GRID2: variants seen among roughly 807,000 people sequenced by gnomAD.
GRID2 encodes the protein glutamate receptor ionotropic, delta-2.
Under a neutral mutation model 114.8 loss-of-function variants are expected in GRID2, and 33 were observed. That is an observed-to-expected ratio of 0.29 (90% CI 0.22 to 0.38). The LOEUF is 0.38. GRID2 is among the 10% of genes least tolerant of loss of function. GRID2 has a pLI of 1.00. For synonymous variants in GRID2, 505 were observed against 449.9 expected (o/e 1.12, Z -1.55); for missense variants, 1,184 against 1,257.7 (o/e 0.94, Z 0.89).
At chr4:92,632,576 G>A (rs1730859570) in intron 2 of GRID2, among the ~76,000 whole-genome samples, 2 of 152,016 alleles carry the variant, frequency 1.3e-5, no homozygotes, top group African/African-American at 4.8e-5. Context: ...AGTTTGTAGT[G>A]AGCCGAGATC....
intron 2 of GRID2, among the ~76,000 whole-genome samples, chr4:92,960,746 T>G (rs1002305438): frequency 2.0e-5 from 3 of 151,984 alleles, no homozygotes; most frequent in South Asian, 4.1e-4. Context: ...AGTATTGATA[T>G]AGTTGGGTTA....
chr4:93,608,286 A>T (rs71616385), intron 13 of GRID2, among the ~76,000 whole-genome samples: 20,907 of 83,368 alleles, frequency 0.25, 2,057 homozygotes, highest in Middle Eastern at 0.42. Flanking sequence ...ACTGAAAATT[A>T]TTTTTTTTTC....
intron 10 of GRID2, among the ~76,000 whole-genome samples, chr4:93,449,489 TCAGATGTGTTTTAGATGATTAAAATAG>T (rs1722475496): frequency 6.6e-6 from 1 of 152,102 alleles, no homozygotes; most frequent in South Asian, 2.1e-4. Flanking sequence ...GGATTATTAA[TCAGATGTGTTTTAGATGATTAAAATAG>T]CAGTTCATGT....
At chr4:92,509,800 A>G (rs1354812893) in intron 1 of GRID2, among the ~76,000 whole-genome samples, 1 of 151,942 alleles carries the variant, frequency 6.6e-6, no homozygotes, top group Admixed American at 6.6e-5. Context: ...AGATAGCAGC[A>G]TGCTCGGTAT....
intron 1 of GRID2, among the ~76,000 whole-genome samples, chr4:92,387,933 A>T (rs1417621113): frequency 6.6e-6 from 1 of 152,062 alleles, no homozygotes; most frequent in Non-Finnish European, 1.5e-5. Context: ...ATTCCCTTCC[A>T]AGTCTAGCTG....
intron 2 of GRID2, among the ~76,000 whole-genome samples, chr4:92,935,104 C>G (rs1373004392): frequency 1.4e-5 from 2 of 146,364 alleles, no homozygotes; most frequent in African/African-American, 4.9e-5. Flanking sequence ...AACAGGCAAC[C>G]TACAAAATGG....
rs1273129979 is a variant in GRID2 at position 93,496,115 on chromosome 4, G to A, written c.1997+5338G>A. ...TTCCATTTGAATGCATTTTTTTCCT[G>A]ATTGTAAAAAAAAAAAAAAACAGGC... On this transcript the variant is annotated intron_variant, in intron 12 of 15. Coordinates refer to ENST00000282020, the MANE Select transcript of GRID2 (RefSeq NM_001510.4). Among the ~76,000 whole-genome samples, 4 of 105,120 alleles carry A rather than the reference G, an allele frequency of 3.8e-5. No homozygotes were observed. In the East Asian group the frequency reaches 1.1e-3, roughly 29 times the overall value. The allele number at this position is 105,120 out of a possible 152,430, so 69.0% of individuals were successfully genotyped here.
rs147798564 is a variant in GRID2, at chr4:92,640,354, T to C, written c.244+50068T>C. Among the ~76,000 whole-genome samples, 187 of 151,888 alleles carry C rather than the reference T, an allele frequency of 1.2e-3. 1 individual carries two copies. Among genetic ancestry groups the C allele is most frequent in the Non-Finnish European group, 2.1e-3 (142 of 67,898 alleles). ...CAAACATAAAGCTACTAAGATTATT[T>C]TTGATTGAATCATTTTTAGATGTAT... On this transcript the variant is annotated intron_variant, in intron 2 of 15. Transcript: ENST00000282020.
intron 13 of GRID2, among the ~76,000 whole-genome samples, chr4:93,583,391 C>T (rs1027540126): frequency 7.2e-5 from 11 of 152,042 alleles, no homozygotes; most frequent in Admixed American, 1.3e-4. Context: ...CTTTCTTCTT[C>T]GGTGCTGTGG....
At chr4:93,350,869 C>G (rs973392796) in intron 8 of GRID2, among the ~76,000 whole-genome samples, 4 of 151,970 alleles carry the variant, frequency 2.6e-5, no homozygotes, top group African/African-American at 7.2e-5. Flanking sequence ...ATACCCAAGT[C>G]TGGGTTATTT....
chr4:93,031,416 C>T (rs1282387731), intron 2 of GRID2, among the ~76,000 whole-genome samples: 2 of 152,098 alleles, frequency 1.3e-5, no homozygotes, highest in African/African-American at 4.8e-5. Context: ...ATAATTCTTC[C>T]CCTGCTGCCT....
At chr4:92,513,422 C>A (rs563837597) in intron 1 of GRID2, among the ~76,000 whole-genome samples, 1 of 151,900 alleles carries the variant, frequency 6.6e-6, no homozygotes, top group African/African-American at 2.4e-5. Flanking sequence ...TGGAGTATTG[C>A]ACGTTCTTGT....
At chr4:93,497,797 C>A (rs1727694196) in intron 12 of GRID2, among the ~76,000 whole-genome samples, 1 of 151,864 alleles carries the variant, frequency 6.6e-6, no homozygotes, top group East Asian at 1.9e-4. Flanking sequence ...TTTTCAGAAT[C>A]ATTTTAGCTA....
At chr4:92,597,529 G>A (rs1729012930) in intron 2 of GRID2, among the ~76,000 whole-genome samples, 1 of 152,096 alleles carries the variant, frequency 6.6e-6, no homozygotes, top group South Asian at 2.1e-4. Flanking sequence ...AATTTGTGCT[G>A]CTCTGGATTT....
chr4:93,625,604 A>G (rs1203979710), intron 13 of GRID2, among the ~76,000 whole-genome samples: 1 of 152,232 alleles, frequency 6.6e-6, no homozygotes, highest in Non-Finnish European at 1.5e-5. Flanking sequence ...TAATAATATA[A>G]TAAAAATACA....
intron 13 of GRID2, among the ~76,000 whole-genome samples, chr4:93,591,784 G>A (rs1738353391): frequency 6.6e-6 from 1 of 152,166 alleles, no homozygotes; most frequent in African/African-American, 2.4e-5. Context: ...CTTAGTCTTG[G>A]GAGAGTGTAT....
At chr4:93,387,076 C>A (rs796470239) in intron 8 of GRID2, among the ~76,000 whole-genome samples, 1 of 152,168 alleles carries the variant, frequency 6.6e-6, no homozygotes, top group African/African-American at 2.4e-5. Flanking sequence ...TAGGGCAGGG[C>A]AAAATCATAC....
intron 3 of GRID2, among the ~76,000 whole-genome samples, chr4:93,101,415 T>G (rs1037695204): frequency 1.3e-5 from 2 of 152,008 alleles, no homozygotes; most frequent in African/African-American, 4.8e-5. Flanking sequence ...TTCCATTCCC[T>G]TAACCCCTCT....
At position 92,663,879 on chromosome 4, in the gene GRID2, T is replaced by C. The variant is rs546329469; in HGVS notation, c.244+73593T>C. 3.2e-4 allele frequency among the ~76,000 whole-genome samples: 49 copies of C among 151,300 alleles called. 2 individuals carry two copies. In the South Asian group the frequency reaches 9.3e-3, roughly 29 times the overall value. ...GGCTACGCTGAGTACCTCATATAAG[T>C]GGAATCATGCATGATTTGTCCTGTT... is the stretch of plus-strand genomic sequence containing the variant. On this transcript the variant is annotated intron_variant, in intron 2 of 15. Transcript: ENST00000282020.
Sources: allele counts gnomAD v4.1 joint callset (sites outside exome capture counted in the v4.1 genomes callset), GRCh38; gene constraint gnomAD v4.1.1; transcripts MANE v1.5; gene names NCBI Gene and HGNC (gene_info 2026-07-23, HGNC 2026-07-21).